Variants in RIMS2 observed in about 807,000 individuals in gnomAD.
RIMS2 encodes the protein regulating synaptic membrane exocytosis 2.
RIMS2 carries 59 observed loss-of-function variants against 174.4 expected under a neutral mutation model. That is an observed-to-expected ratio of 0.34 (90% CI 0.27 to 0.42). The LOEUF is 0.42. Among genes scored for constraint, RIMS2 ranks in the 10% least tolerant of loss-of-function variants. The probability of loss-of-function intolerance (pLI) is 1.00; values close to 1 mark genes in which losing one functional copy is unlikely to be tolerated. For missense variants in RIMS2, 1,620 were observed against 1,666.3 expected, an observed-to-expected ratio of 0.97 and a Z score of 0.48; for synonymous variants, 606 against 572.5, an observed-to-expected ratio of 1.06 and a Z score of -0.84.
At chr8:103,511,071 C>T (rs551811419) in intron 1 of RIMS2, among the ~76,000 whole-genome samples, 1 of 152,124 alleles carries the variant, frequency 6.6e-6, no homozygotes, top group East Asian at 1.9e-4. Context: ...GTTTATAATA[C>T]TATATTGCCT....
chr8:103,894,256 A>G (rs2099264581), intron 4 of RIMS2, among the ~76,000 whole-genome samples: 1 of 151,842 alleles, frequency 6.6e-6, no homozygotes, highest in Non-Finnish European at 1.5e-5. Flanking sequence ...CTTGGTGTCA[A>G]AAGTTAAAAC....
chr8:103,854,721 G>C (rs2099017901), intron 3 of RIMS2, among the ~76,000 whole-genome samples: 1 of 151,852 alleles, frequency 6.6e-6, no homozygotes, highest in Admixed American at 6.6e-5. Context: ...AGCCTGCTTG[G>C]TTGTGGTATA....
chr8:103,558,291 G>A (rs1484060768), intron 1 of RIMS2, among the ~76,000 whole-genome samples: 1 of 151,962 alleles, frequency 6.6e-6, no homozygotes, highest in Admixed American at 6.6e-5. Context: ...CGTGACTCTC[G>A]GCTCACTGCA....
intron 3 of RIMS2, among the ~76,000 whole-genome samples, chr8:103,848,356 T>A (rs2098978918): frequency 6.6e-6 from 1 of 152,086 alleles, no homozygotes; most frequent in Admixed American, 6.6e-5. Context: ...CAAGTGGATA[T>A]GAACTTCAGA....
chr8:104,201,612 G>C (rs2099055152), intron 19 of RIMS2, among the ~76,000 whole-genome samples: 1 of 152,044 alleles, frequency 6.6e-6, no homozygotes, highest in Non-Finnish European at 1.5e-5. Flanking sequence ...AGTGTATTCT[G>C]TCTTAAAAAA....
At chr8:103,695,757 C>T (rs559705646) in intron 1 of RIMS2, among the ~76,000 whole-genome samples, 177 of 151,192 alleles carry the variant, frequency 1.2e-3, no homozygotes, top group African/African-American at 4.1e-3. Context: ...GTTTTTCTCT[C>T]AATTTATAGA....
At chr8:104,055,719 G>A (rs2096857025) in intron 19 of RIMS2, among the ~76,000 whole-genome samples, 1 of 152,132 alleles carries the variant, frequency 6.6e-6, no homozygotes, top group South Asian at 2.1e-4. Context: ...TATGAAAAAA[G>A]AAATGTATAT....
intron 2 of RIMS2, among the ~76,000 whole-genome samples, chr8:103,740,258 T>C (rs2097746698): frequency 6.6e-6 from 1 of 152,192 alleles, no homozygotes; most frequent in African/African-American, 2.4e-5. Flanking sequence ...GTGAAATGTA[T>C]TTTCCCACAG....
intron 12 of RIMS2, among the ~76,000 whole-genome samples, chr8:103,933,308 C>T (rs1219057899): frequency 8.0e-5 from 8 of 100,358 alleles, no homozygotes; most frequent in Non-Finnish European, 1.6e-4. Flanking sequence ...CACACACACA[C>T]ACACACACAC....
intron 19 of RIMS2, among the ~76,000 whole-genome samples, chr8:104,133,001 C>T (rs538386623): frequency 6.6e-6 from 1 of 152,154 alleles, no homozygotes; most frequent in African/African-American, 2.4e-5. Context: ...AGTGTGGCAA[C>T]CCCTGCTCTA....
At chr8:103,819,664 T>C (rs1163119160) in intron 3 of RIMS2, 1 of 1,516,846 alleles carries the variant, frequency 6.6e-7, no homozygotes. Flanking sequence ...CTTTTAATAT[T>C]GTTATTTTCA....
At chr8:103,764,210 T>A (rs1306861410) in intron 2 of RIMS2, among the ~76,000 whole-genome samples, 3 of 152,230 alleles carry the variant, frequency 2.0e-5, no homozygotes, top group African/African-American at 7.2e-5. Context: ...TTTCTGCAGA[T>A]GATAGTGATT....
intron 2 of RIMS2, among the ~76,000 whole-genome samples, chr8:103,753,696 A>T (rs2097926862): frequency 6.6e-6 from 1 of 151,806 alleles, no homozygotes; most frequent in African/African-American, 2.4e-5. Flanking sequence ...TTTCTTCTTG[A>T]TTTTCTAATG....
chr8:104,203,796 G>A (rs948474010), intron 19 of RIMS2, among the ~76,000 whole-genome samples: 4 of 152,144 alleles, frequency 2.6e-5, no homozygotes, highest in Non-Finnish European at 5.9e-5. Context: ...GAGCCACAGT[G>A]CCTGATCTAC....
At chr8:103,615,505 A>T (rs2095484458) in intron 1 of RIMS2, among the ~76,000 whole-genome samples, 1 of 152,216 alleles carries the variant, frequency 6.6e-6, no homozygotes, top group South Asian at 2.1e-4. Flanking sequence ...CAAAGCTAGC[A>T]GAAGATGAGA....
At chr8:104,132,552 G>A (rs7459766) in intron 19 of RIMS2, among the ~76,000 whole-genome samples, 76,771 of 151,926 alleles carry the variant, frequency 0.51, 20,751 homozygotes, top group East Asian at 0.9. Flanking sequence ...TTATAGGAGG[G>A]AATGAAAGCA....
chr8:103,795,758 G>A (rs751615824), intron 3 of RIMS2, among the ~76,000 whole-genome samples: 9 of 152,098 alleles, frequency 5.9e-5, no homozygotes, highest in Non-Finnish European at 1.3e-4. Context: ...TAGAAAACAA[G>A]CCTTCACATG....
In RIMS2 at chr8:103,953,465, G is replaced by T. The variant is rs540132436; in HGVS notation, c.2702-7600G>T. Reference sequence around the variant, plus strand: ...CAATATTCAACATTCTTAAAGAAAGGATTTTTCAAGCCAGATTTTCATATC... The same window carrying T: ...CAATATTCAACATTCTTAAAGAAAGTATTTTTCAAGCCAGATTTTCATATC... On this transcript the variant is annotated intron_variant, in intron 14 of 23. Coordinates refer to ENST00000504942, the Ensembl canonical transcript of RIMS2. Among the ~76,000 whole-genome samples the T allele has an allele frequency of 1.4e-4, 21 of 152,248 alleles. No homozygotes were observed. The South Asian group carries it at 4.1e-3, about 30-fold the overall frequency.
chr8:103,545,492 G>GAGGTC (rs1396267930), intron 1 of RIMS2, among the ~76,000 whole-genome samples: 1 of 152,166 alleles, frequency 6.6e-6, no homozygotes, highest in African/African-American at 2.4e-5. Flanking sequence ...CTTTCCTAGA[G>GAGGTC]AGGTGAACAT....
Sources: allele counts gnomAD v4.1 joint callset (sites outside exome capture counted in the v4.1 genomes callset), GRCh38; gene constraint gnomAD v4.1.1; transcripts MANE v1.5; gene names NCBI Gene and HGNC (gene_info 2026-07-23, HGNC 2026-07-21).